Variants in LDHB observed in about 807,000 individuals in gnomAD.
LDHB encodes lactate dehydrogenase B, also known as L-lactate dehydrogenase B chain.
LDHB carries 18 observed loss-of-function variants against 33.4 expected under a neutral mutation model. The observed-to-expected ratio is 0.54, with a 90% CI of 0.37 to 0.80. LDHB has a LOEUF of 0.80. Among genes scored for constraint, LDHB ranks in the 30% least tolerant of loss-of-function variants. The probability of loss-of-function intolerance (pLI) is 0.00; values close to 1 mark genes in which losing one functional copy is unlikely to be tolerated. For synonymous variants in LDHB, 121 were observed against 140.6 expected (o/e 0.86, Z 0.98); for missense variants, 345 against 407.9 (o/e 0.85, Z 1.33).
intron 2 of LDHB, among the ~76,000 whole-genome samples, chr12:21,653,333 C>T (rs1938746856): frequency 6.6e-6 from 1 of 152,164 alleles, no homozygotes. Context: ...GGGTCCCCAA[C>T]ACCCAGGTCA....
chr12:21,637,319 T>C (rs771681669), intron 6 of LDHB, 125 bp from the exon 7 acceptor site: 19 of 726,026 alleles, frequency 2.6e-5, no homozygotes, highest in Non-Finnish European at 4.6e-5. Context: ...TTTATTGCCT[T>C]AGTGTTCCCT....
intron 3 of LDHB, among the ~76,000 whole-genome samples, chr12:21,644,310 ACAT>A (rs1263844955): frequency 2.0e-5 from 3 of 151,912 alleles, no homozygotes; most frequent in Admixed American, 6.6e-5. Context: ...AATAATCCAA[ACAT>A]CAAACTGCCT....
chr12:21,656,807 ATC>A (rs776328125), intron 1 of LDHB, among the ~76,000 whole-genome samples: 1 of 152,192 alleles, frequency 6.6e-6, no homozygotes, highest in Admixed American at 6.5e-5. Context: ...AACGGTAAAA[ATC>A]TCTGAGTCTT....
chr12:21,649,555 T>C (rs1007626670), intron 2 of LDHB, among the ~76,000 whole-genome samples: 17 of 152,222 alleles, frequency 1.1e-4, no homozygotes, highest in African/African-American at 4.1e-4. Context: ...AGCAGTATTC[T>C]TATTATGGAT....
rs1591830401 is a variant in LDHB at position 21,644,104 on chromosome 12, A to G, written c.252T>C (p.Tyr84=). 1.9e-6 allele frequency: 3 copies of G among 1,610,960 alleles called. No homozygotes were observed. Among genetic ancestry groups the G allele is most frequent in the Non-Finnish European group, 2.5e-6 (3 of 1,177,192 alleles). The stretch of plus-strand genomic sequence containing the variant: ...CAATCTTAGAATTGGCAGTCACAGA[A>G]TAATCTTTAAAAAGAAAAGCAAAAA... ...QTPKIVADKD[Y]SVTANSKIVV... is the part of the protein sequence containing the mutation. Residue 84 remains tyrosine (Y), a synonymous_variant, in exon 4 of 8, where the codon TAT becomes TAC. Transcript: ENST00000350669.
chr12:21,650,154 C>A (rs748595086), intron 2 of LDHB, among the ~76,000 whole-genome samples: 4,154 of 141,138 alleles, frequency 0.029, 89 homozygotes, highest in Middle Eastern at 0.034. Context: ...ACACACACGT[C>A]TCTCTCTCCA....
intron 2 of LDHB, among the ~76,000 whole-genome samples, chr12:21,650,497 TGAA>T (rs1159911833): frequency 1.2e-4 from 18 of 152,336 alleles, no homozygotes; most frequent in Non-Finnish European, 2.2e-4. Context: ...TACAGTTGAC[TGAA>T]GCAAAGATAA....
intron 3 of LDHB, among the ~76,000 whole-genome samples, chr12:21,646,320 G>T (rs1261121783): frequency 1.3e-5 from 2 of 152,210 alleles, no homozygotes. Flanking sequence ...TCATTTTAGG[G>T]AAAGCATCTG....
At position 21,654,673 on chromosome 12, in the gene LDHB, T is replaced by G. The variant is rs372355833; in HGVS notation, c.-2A>C. 2.7e-5 allele frequency: 44 copies of G among 1,612,586 alleles called. No individual in the cohort carries two copies. Among genetic ancestry groups the G allele is most frequent in the Non-Finnish European group, 3.6e-5 (43 of 1,178,714 alleles). On this transcript the variant is annotated 5_prime_UTR_variant, in exon 2 of 8. Coordinates refer to ENST00000350669, the MANE Select transcript of LDHB (RefSeq NM_002300.8). ...GAGTTTTTCCTTAAGAGTTGCCATT[T>G]TGCACTGCAAGGAAAGAATCAAAAC...
At chr12:21,643,313 A>G (rs2136967793) in intron 4 of LDHB, among the ~76,000 whole-genome samples, 1 of 152,368 alleles carries the variant, frequency 6.6e-6, no homozygotes, top group East Asian at 1.9e-4. Context: ...TATAGATAAA[A>G]GCAGTATATC....
At chr12:21,640,948 A>G (rs1938356506) in intron 5 of LDHB, among the ~76,000 whole-genome samples, 1 of 152,156 alleles carries the variant, frequency 6.6e-6, no homozygotes, top group Non-Finnish European at 1.5e-5. Flanking sequence ...GGCCACATTG[A>G]TATCAACAAA....
rs1383695515 is a variant in LDHB at position 21,657,751 on chromosome 12, C to T, written c.-7G>A. The T allele has an allele frequency of 1.3e-5, 2 of 152,340 alleles. No individual in the cohort carries two copies. Among genetic ancestry groups the T allele is most frequent in the African/African-American group, 4.8e-5 (2 of 41,452 alleles). 9.4% of individuals were successfully genotyped at this position (152,340 alleles called of 1,614,324 possible). A position where few individuals can be genotyped will look rare whatever the true frequency, so the allele number is the denominator to read the frequency against. ...TTCAGGGTCCTGAGCCGAAACCTAC[C>T]AGGAGAGAGAAGGCTCTGGAGACCT... is the stretch of plus-strand genomic sequence containing the variant. On this transcript the variant is annotated splice_region_variant and 5_prime_UTR_variant, in exon 1 of 8. It adds an upstream start codon to the 5' untranslated region. Transcript: ENST00000350669.
chr12:21,638,686 G>T, intron 5 of LDHB: 1 of 543,936 alleles, frequency 1.8e-6, no homozygotes, highest in South Asian at 2.3e-5. Flanking sequence ...TAACTTTCAA[G>T]AATTTTAGTG....
At chr12:21,643,759 T>C (rs991898149) in intron 4 of LDHB, 176 bp downstream of exon 4, 9 of 585,580 alleles carry the variant, frequency 1.5e-5, no homozygotes, top group African/African-American at 1.5e-4. Flanking sequence ...TTTGAACATC[T>C]GGCCTGGGAC....
In LDHB at chr12:21,654,514, CTATCATCTA is replaced by C; in HGVS notation, c.129+20_129+28del. On this transcript the variant is annotated intron_variant, in intron 2 of 7. Coordinates refer to ENST00000350669, the MANE Select transcript of LDHB (RefSeq NM_002300.8). ...AACTGTGTATACATGCTGAACTTCT[CTATCATCTA>C]TGGTGTTCTTGAAATGTACCTTTCC... 1.2e-6 allele frequency: 2 copies of C among 1,611,516 alleles called. No individual in the cohort carries two copies.
chr12:21,646,456 T>C (rs1028399234), intron 3 of LDHB, among the ~76,000 whole-genome samples: 5 of 152,176 alleles, frequency 3.3e-5, no homozygotes, highest in Admixed American at 6.5e-5. Flanking sequence ...AATGAGTTTC[T>C]AGAAACGGAT....
intron 4 of LDHB, 22 bp from the exon 5 acceptor site, chr12:21,642,147 T>A: frequency 6.3e-7 from 1 of 1,597,552 alleles, no homozygotes; most frequent in Non-Finnish European, 8.6e-7. Context: ...GGAAATAATA[T>A]ATGTAAGTAA....
Position 21,654,591 on chromosome 12 carries a change from C to CACTA in LDHB, c.77_80dup (p.Gly28SerfsTer21). The CACTA allele has an allele frequency of 6.2e-7, 1 of 1,614,074 alleles. No individual in the cohort carries two copies. The highest frequency in any genetic ancestry group is 8.5e-7 in the Non-Finnish European group (1 of 1,179,916). ...ACGCCATACCAACTTGTCCAACACCCACTACAGTGATCTTATTGTTTGGAA... is the reference window on the plus strand; with the variant it reads ...ACGCCATACCAACTTGTCCAACACCCACTAACTACAGTGATCTTATTGTTTGGAA... On this transcript the variant is annotated frameshift_variant, in exon 2 of 8. Transcript: ENST00000350669. LOFTEE classifies it high-confidence loss of function.
rs753931794 is a variant in LDHB, at chr12:21,654,634, G to A, written c.38C>T (p.Ala13Val). The A allele has an allele frequency of 2.0e-5, 32 of 1,613,870 alleles. No homozygotes were observed. The highest frequency in any genetic ancestry group is 4.5e-5 in the East Asian group (2 of 44,870). ...GTTTGGAACTGTTGCCTCTTCTTCC[G>A]CAACTGGTGCAATGAGTTTTTCCTT... ...TLKEKLIAPV[A>V]EEEATVPNNK... Residue 13 changes from alanine (A) to valine (V), a missense_variant, in exon 2 of 8, where the codon GCG becomes GTG. Coordinates refer to ENST00000350669, the MANE Select transcript of LDHB (RefSeq NM_002300.8).
Sources: allele counts gnomAD v4.1 joint callset (sites outside exome capture counted in the v4.1 genomes callset), GRCh38; gene constraint gnomAD v4.1.1; transcripts MANE v1.5; gene names NCBI Gene and HGNC (gene_info 2026-07-23, HGNC 2026-07-21).